The following TUSC3 variants were observed in gnomAD, a reference collection of about 807,000 sequenced individuals.
TUSC3 encodes dolichyl-diphosphooligosaccharide--protein glycosyltransferase subunit TUSC3.
TUSC3 carries 45 observed loss-of-function variants against 44.8 expected under a neutral mutation model. That is an observed-to-expected ratio of 1.00 (90% CI 0.79 to 1.29). TUSC3 has a LOEUF of 1.29. Among genes scored for constraint, TUSC3 ranks in the 50% most tolerant of loss-of-function variants. The pLI, the probability that TUSC3 is intolerant of heterozygous loss-of-function variation, is 0.00. For missense variants in TUSC3, 519 were observed against 437.9 expected (o/e 1.19, Z -1.65); for synonymous variants, 212 against 152.9 (o/e 1.39, Z -2.85).
chr8:15,471,878 A>G (rs1462801048), intron 1 of TUSC3, among the ~76,000 whole-genome samples: 2 of 152,122 alleles, frequency 1.3e-5, no homozygotes, highest in Non-Finnish European at 2.9e-5. Context: ...CCTGCCTCCC[A>G]AAGTGCTAGG....
intron 1 of TUSC3, among the ~76,000 whole-genome samples, chr8:15,454,931 G>A (rs1413132581): frequency 6.6e-6 from 1 of 152,012 alleles, no homozygotes; most frequent in Non-Finnish European, 1.5e-5. Context: ...TACATATCTA[G>A]CAGATGTAAC....
chr8:15,660,025 G>A (rs561976146), intron 4 of TUSC3, among the ~76,000 whole-genome samples: 6 of 151,958 alleles, frequency 3.9e-5, no homozygotes, highest in African/African-American at 1.4e-4. Flanking sequence ...AAAGCTACGT[G>A]GAAAAATGTC....
chr8:15,602,904 A>G (rs1585143230), intron 1 of TUSC3, among the ~76,000 whole-genome samples: 1 of 151,706 alleles, frequency 6.6e-6, no homozygotes, highest in African/African-American at 2.4e-5. Context: ...TAAATAAAAA[A>G]TAAAAACCTA....
intron 2 of TUSC3, among the ~76,000 whole-genome samples, chr8:15,529,586 C>G (rs1801424431): frequency 6.6e-6 from 1 of 152,026 alleles, no homozygotes; most frequent in Non-Finnish European, 1.5e-5. Flanking sequence ...AAATAGCCAA[C>G]TGTTTGAAAA....
intron 7 of TUSC3, among the ~76,000 whole-genome samples, chr8:15,740,389 G>A (rs1450009739): frequency 1.3e-5 from 2 of 151,886 alleles, no homozygotes; most frequent in Non-Finnish European, 2.9e-5. Flanking sequence ...TTTTCTACAT[G>A]ACAGAATAAT....
At chr8:15,742,783 T>C (rs1160579304) in intron 7 of TUSC3, among the ~76,000 whole-genome samples, 3 of 152,242 alleles carry the variant, frequency 2.0e-5, no homozygotes, top group Non-Finnish European at 2.9e-5. Flanking sequence ...AATTGATGAG[T>C]TCTAAAATCT....
chr8:15,512,370 C>T (rs192446199), intron 2 of TUSC3, among the ~76,000 whole-genome samples: 1 of 152,178 alleles, frequency 6.6e-6, no homozygotes, highest in Non-Finnish European at 1.5e-5. Context: ...AGCTGACTGC[C>T]TTTGGGCCAG....
chr8:15,522,948 G>T (rs1201336024), intron 2 of TUSC3, among the ~76,000 whole-genome samples: 1 of 152,146 alleles, frequency 6.6e-6, no homozygotes, highest in African/African-American at 2.4e-5. Context: ...GGAGTAAAAA[G>T]GGAGAAATTG....
intron 6 of TUSC3, among the ~76,000 whole-genome samples, chr8:15,680,794 C>CAGAT (rs1463180250): frequency 3.9e-5 from 6 of 151,978 alleles, no homozygotes; most frequent in Admixed American, 3.9e-4. Context: ...TTATCATGAA[C>CAGAT]AGATGCTGGA....
intron 6 of TUSC3, among the ~76,000 whole-genome samples, chr8:15,687,266 C>T (rs927870453): frequency 6.6e-6 from 1 of 152,070 alleles, no homozygotes; most frequent in African/African-American, 2.4e-5. Flanking sequence ...TCATGCAGCT[C>T]ATCATCTAGT....
At chr8:15,502,028 C>A (rs150766630) in intron 2 of TUSC3, among the ~76,000 whole-genome samples, 1 of 152,212 alleles carries the variant, frequency 6.6e-6, no homozygotes, top group East Asian at 1.9e-4. Flanking sequence ...ATATTTTAAT[C>A]ATCTATTGGT....
intron 1 of TUSC3, among the ~76,000 whole-genome samples, chr8:15,425,225 A>G (rs1170944433): frequency 6.6e-6 from 1 of 152,214 alleles, no homozygotes; most frequent in Non-Finnish European, 1.5e-5. Context: ...TTAAAAGGAA[A>G]CAGTGGAAAA....
chr8:15,424,131 C>T (rs539969732), intron 1 of TUSC3, among the ~76,000 whole-genome samples: 6 of 151,690 alleles, frequency 4.0e-5, no homozygotes, highest in Admixed American at 2.0e-4. Flanking sequence ...GCTGGGACTA[C>T]AGGCACACGC....
intron 6 of TUSC3, among the ~76,000 whole-genome samples, chr8:15,720,255 C>A (rs1268089002): frequency 6.9e-6 from 1 of 144,112 alleles, no homozygotes; most frequent in African/African-American, 2.5e-5. Context: ...TTCTCATATA[C>A]CTTGATTCAC....
At chr8:15,587,923 C>G (rs1803664428) in intron 1 of TUSC3, among the ~76,000 whole-genome samples, 1 of 152,022 alleles carries the variant, frequency 6.6e-6, no homozygotes, top group Non-Finnish European at 1.5e-5. Context: ...AAATAATATT[C>G]TATTATATAT....
chr8:15,467,226 G>A (rs1015739253), intron 1 of TUSC3, among the ~76,000 whole-genome samples: 1 of 150,734 alleles, frequency 6.6e-6, no homozygotes, highest in Admixed American at 6.6e-5. Flanking sequence ...TTCTACTTGG[G>A]GTTCATTATC....
intron 6 of TUSC3, among the ~76,000 whole-genome samples, chr8:15,722,273 A>C (rs1323471185): frequency 6.7e-6 from 1 of 149,416 alleles, no homozygotes; most frequent in Non-Finnish European, 1.5e-5. Context: ...TCCTTTACCT[A>C]CAACACCTAG....
chr8:15,704,192 T>C (rs555703632), intron 6 of TUSC3, among the ~76,000 whole-genome samples: 2 of 151,740 alleles, frequency 1.3e-5, no homozygotes, highest in African/African-American at 4.8e-5. Flanking sequence ...AGAGAGTGAT[T>C]TATATAGTAT....
intron 1 of TUSC3, among the ~76,000 whole-genome samples, chr8:15,551,923 C>A (rs921120622): frequency 2.0e-5 from 3 of 151,628 alleles, no homozygotes; most frequent in African/African-American, 7.2e-5. Flanking sequence ...AGGGTTCCAT[C>A]ATGACACAGT....
Sources: gnomAD v4.1 joint callset for allele counts (sites outside exome capture counted in the v4.1 genomes callset) on GRCh38, gnomAD v4.1.1 for gene constraint, MANE v1.5 for transcripts, NCBI Gene and HGNC (gene_info 2026-07-23, HGNC 2026-07-21) for gene names.